DLGAP5: variants seen among roughly 807,000 people sequenced by gnomAD.
DLGAP5 encodes the protein disks large-associated protein 5.
Under a neutral mutation model 99.6 loss-of-function variants are expected in DLGAP5, and 90 were observed. That is an observed-to-expected ratio of 0.90 (90% CI 0.76 to 1.08). The LOEUF (loss-of-function observed/expected upper bound fraction) is 1.08, where lower values mean the gene tolerates loss of function less well. Ranked by LOEUF, DLGAP5 falls within the 50% of genes least tolerant of loss-of-function variation. The probability of loss-of-function intolerance (pLI) is 0.00; values close to 1 mark genes in which losing one functional copy is unlikely to be tolerated. For missense variants in DLGAP5, 1,036 were observed against 983.5 expected (o/e 1.05, Z -0.71); for synonymous variants, 311 against 321.3 (o/e 0.97, Z 0.34).
In DLGAP5 at chr14:55,169,394, C is replaced by T; in HGVS notation, c.1548+5G>A. The T allele has an allele frequency of 7.2e-7, 1 of 1,384,402 alleles. No homozygotes were observed. The highest frequency in any genetic ancestry group is 9.6e-7 in the Non-Finnish European group (1 of 1,042,944). 85.8% of individuals were successfully genotyped at this position (1,384,402 alleles called of 1,614,324 possible). ...TTAATATATTTGAAATATTGAACCA[C>T]ATACCTGAAAACTAACCATATCCCA... On this transcript the variant is annotated splice_donor_5th_base_variant and intron_variant, in intron 12 of 18. Transcript: ENST00000247191.
intron 2 of DLGAP5, among the ~76,000 whole-genome samples, chr14:55,185,999 G>A (rs919201421): frequency 2.6e-5 from 4 of 152,278 alleles, no homozygotes; most frequent in South Asian, 2.1e-4. Context: ...GGAAGGGTGC[G>A]ATAGCTCACG....
At position 55,177,165 on chromosome 14, in the gene DLGAP5, G is replaced by T. The variant is rs767887933; in HGVS notation, c.946C>A (p.Pro316Thr). 14 of 1,612,268 alleles carry T rather than the reference G, an allele frequency of 8.7e-6. No individual in the cohort carries two copies. The East Asian group carries it at 3.1e-4, about 36-fold the overall frequency. The change falls in exon 8 of 19, where the codon CCA (proline) becomes ACA (threonine). Residue 316 changes from proline (P) to threonine (T), a missense_variant. Transcript: ENST00000247191. ...SFAPKDFMFQ[P>T]LDGLKTYQVT... ...TGATAGGTCTTCAGACCATCCAGTG[G>T]CTGAAACATAAAATCCTTAGGTGCA... is the stretch of plus-strand genomic sequence containing the variant.
chr14:55,165,342 T>C (rs1435468300), intron 12 of DLGAP5, among the ~76,000 whole-genome samples: 3 of 151,988 alleles, frequency 2.0e-5, no homozygotes, highest in African/African-American at 4.8e-5. Context: ...GGTAACATGA[T>C]GACACCCCAC....
At chr14:55,189,766 T>G (rs1385344268) in intron 1 of DLGAP5, among the ~76,000 whole-genome samples, 2 of 152,180 alleles carry the variant, frequency 1.3e-5, no homozygotes, top group East Asian at 3.8e-4. Context: ...TGTATTCACC[T>G]AAGAAGCTCT....
chr14:55,187,318 CTT>C (rs1194143957), intron 2 of DLGAP5, among the ~76,000 whole-genome samples: 13 of 126,660 alleles, frequency 1.0e-4, no homozygotes, highest in Admixed American at 2.4e-4. Context: ...CAAAGTGATC[CTT>C]TTTTTTTTTT....
chr14:55,183,761 G>C lies in DLGAP5; in HGVS notation c.239-8C>G, dbSNP rs771091043. The C allele has an allele frequency of 6.5e-7, 1 of 1,547,322 alleles. No homozygotes were observed. Among genetic ancestry groups the C allele is most frequent in the South Asian group, 1.2e-5 (1 of 81,324 alleles). The stretch of plus-strand genomic sequence containing the variant: ...GAATAGTTTTCATTGCCCCTAGGCA[G>C]AAAAAAAACCAAAACCACACAGTAT... On this transcript the variant is annotated splice_polypyrimidine_tract_variant and splice_region_variant and intron_variant, in intron 2 of 18. Transcript: ENST00000247191.
At position 55,169,442 on chromosome 14, in the gene DLGAP5, G is replaced by T; in HGVS notation, c.1505C>A (p.Thr502Asn). ...CCAAAATCCATCCAGATCTGTACAG[G>T]TAGTCTCCTTTATACCTCGTTTATA... is the stretch of plus-strand genomic sequence containing the variant. ...CEYKRGIKET[T>N]CTDLDGFWDM... The change falls in exon 12 of 19, where the codon ACC (threonine) becomes AAC (asparagine). Residue 502 changes from threonine to asparagine, a missense_variant. Thr to Asn is a moderately conservative substitution (Grantham distance 65). Coordinates refer to ENST00000247191, the MANE Select transcript of DLGAP5 (RefSeq NM_014750.5). The T allele has an allele frequency of 6.2e-7, 1 of 1,609,708 alleles. No individual in the cohort carries two copies. The highest frequency in any genetic ancestry group is 8.5e-7 in the Non-Finnish European group (1 of 1,178,700).
intron 11 of DLGAP5, among the ~76,000 whole-genome samples, chr14:55,170,276 ACT>A (rs1211392299): frequency 6.6e-6 from 1 of 151,984 alleles, no homozygotes; most frequent in African/African-American, 2.4e-5. Context: ...AGATTAAGAA[ACT>A]CTTCAGAAAA....
At chr14:55,156,734 A>T (rs774404947) in intron 14 of DLGAP5, among the ~76,000 whole-genome samples, 17 of 152,232 alleles carry the variant, frequency 1.1e-4, no homozygotes, top group Non-Finnish European at 2.1e-4. Context: ...AGATGAAAGT[A>T]CCCTGAAACA....
In DLGAP5 at chr14:55,177,226, C is replaced by T; in HGVS notation, c.885G>A (p.Glu295=). The change falls in exon 8 of 19, where the codon GAG becomes GAA. Residue 295 remains glutamate, a synonymous_variant. Coordinates refer to ENST00000247191, the MANE Select transcript of DLGAP5 (RefSeq NM_014750.5). The stretch of plus-strand genomic sequence containing the variant: ...TCCCTTTTATTTTTGCAGTATTTAT[C>T]TCAGGTAAGTTTTCCATTTTTGATA... ...GVLSKMENLP[E]INTAKIKGKN... is the part of the protein sequence containing the mutation. 6.2e-7 allele frequency: 1 copy of T among 1,613,398 alleles called. No homozygotes were observed. The highest frequency in any genetic ancestry group is 8.5e-7 in the Non-Finnish European group (1 of 1,179,758).
At chr14:55,148,876 A>G (rs1261137259) in intron 18 of DLGAP5, among the ~76,000 whole-genome samples, 5 of 152,238 alleles carry the variant, frequency 3.3e-5, no homozygotes, top group African/African-American at 1.2e-4. Context: ...CAAGCAGTGT[A>G]TGCAGAATGA....
Position 55,169,701 on chromosome 14 carries a change from T to C in DLGAP5, c.1388-142A>G, listed in dbSNP as rs534957620. On this transcript the variant is annotated intron_variant, in intron 11 of 18. Coordinates refer to ENST00000247191, the MANE Select transcript of DLGAP5 (RefSeq NM_014750.5). ...AACAAAAAATATCTACCACAAAACT[T>C]TGTCATACAAATACTGAGTACTAAC... 1.6e-5 allele frequency: 10 copies of C among 633,426 alleles called. No homozygotes were observed. In the African/African-American group the frequency reaches 1.9e-4, roughly 12 times the overall value. The allele number at this position is 633,426 out of a possible 1,614,324, so 39.2% of individuals were successfully genotyped here. A position where few individuals can be genotyped will look rare whatever the true frequency, so the allele number is the denominator to read the frequency against.
In DLGAP5 at chr14:55,181,347, CCAT is replaced by C. The variant is rs546733483; in HGVS notation, c.496-53_496-51del. 81 of 1,453,524 alleles carry C rather than the reference CCAT, an allele frequency of 5.6e-5. No homozygotes were observed. The African/African-American group carries it at 1.1e-3, about 19-fold the overall frequency. The allele number at this position is 1,453,524 out of a possible 1,614,324, so 90.0% of individuals were successfully genotyped here. A position where few individuals can be genotyped will look rare whatever the true frequency, so the allele number is the denominator to read the frequency against. On this transcript the variant is annotated intron_variant, in intron 4 of 18. Transcript: ENST00000247191. Reference sequence around the variant, plus strand: ...TGATTTAATTGCATAATGAATCAGACCATCATATTTTTAATCTGTAAATTGATT... The same window carrying C: ...TGATTTAATTGCATAATGAATCAGACCATATTTTTAATCTGTAAATTGATT...
In DLGAP5 at chr14:55,169,465, ATATTCACAAT is replaced by A. The variant is rs747638455; in HGVS notation, c.1472_1481del (p.Asp491ValfsTer5). On this transcript the variant is annotated frameshift_variant, in exon 12 of 19. Transcript: ENST00000247191. LOFTEE classifies it high-confidence loss of function. ...AGGTAGTCTCCTTTATACCTCGTTT[ATATTCACAAT>A]CATCAACCAGTCCTTCAAACTGTTT... The A allele has an allele frequency of 1.9e-6, 3 of 1,613,046 alleles. No homozygotes were observed. In the South Asian group the frequency reaches 3.3e-5, roughly 18 times the overall value.
In DLGAP5 at chr14:55,148,280, A is replaced by T; in HGVS notation, c.*71T>A. On this transcript the variant is annotated 3_prime_UTR_variant, in exon 19 of 19. Coordinates refer to ENST00000247191, the MANE Select transcript of DLGAP5 (RefSeq NM_014750.5). ...AGTGAACACAAATACATTTTCTCCA[A>T]AATTTCAATAGTCTAAGGAATATAT... 1 of 1,496,276 alleles carries T rather than the reference A, an allele frequency of 6.7e-7. No homozygotes were observed. Among genetic ancestry groups the T allele is most frequent in the Non-Finnish European group, 9.1e-7 (1 of 1,097,146 alleles). 92.7% of individuals were successfully genotyped at this position (1,496,276 alleles called of 1,614,324 possible).
chr14:55,154,469 T>A (rs762955352), intron 15 of DLGAP5, 148 bp downstream of exon 15: 1 of 665,692 alleles, frequency 1.5e-6, no homozygotes, highest in Non-Finnish European at 2.5e-6. Context: ...TTTCCTCATT[T>A]ATAAAAAGGG....
Position 55,152,593 on chromosome 14 carries a change from A to G in DLGAP5, c.2118T>C (p.Asn706=), listed in dbSNP as rs15870. ...ACCACACTGGAATTGTACTTACATGATTTTCTTCAATTAAATCTGGTAATC... is the reference window on the plus strand; with the variant it reads ...ACCACACTGGAATTGTACTTACATGGTTTTCTTCAATTAAATCTGGTAATC... ...CPGLPDLIEE[N]HVVNKTDLKV... The change falls in exon 16 of 19, where the codon AAT becomes AAC. Residue 706 remains asparagine, a synonymous_variant. Transcript: ENST00000247191. The G allele has an allele frequency of 0.4, 629,975 of 1,593,894 alleles. 127,716 individuals are homozygous for G. Among genetic ancestry groups the G allele is most frequent in the Non-Finnish European group, 0.41 (478,157 of 1,169,938 alleles).
chr14:55,161,279 A>G (rs1882420934), intron 13 of DLGAP5, among the ~76,000 whole-genome samples: 1 of 152,156 alleles, frequency 6.6e-6, no homozygotes, highest in Non-Finnish European at 1.5e-5. Flanking sequence ...AATCCTTAAT[A>G]AGAAATACCC....
intron 7 of DLGAP5, 83 bp downstream of exon 7, chr14:55,179,546 T>C: frequency 8.4e-7 from 1 of 1,192,754 alleles, no homozygotes. Context: ...TTTGAAGCAG[T>C]TCTTTATGTT....
Sources: gnomAD v4.1 joint callset for allele counts (sites outside exome capture counted in the v4.1 genomes callset) on GRCh38, gnomAD v4.1.1 for gene constraint, MANE v1.5 for transcripts, NCBI Gene and HGNC (gene_info 2026-07-23, HGNC 2026-07-21) for gene names.